VWA8: variants seen among roughly 807,000 people sequenced by gnomAD.
VWA8 encodes the protein von Willebrand factor A domain containing 8, also known as von Willebrand factor A domain-containing protein 8.
In VWA8, 221 loss-of-function variants were observed where a neutral mutation model predicts 241.5. That is an observed-to-expected ratio of 0.91 (90% CI 0.82 to 1.02). The LOEUF is 1.02. Ranked by LOEUF, VWA8 falls within the 50% of genes least tolerant of loss-of-function variation. The pLI, the probability that VWA8 is intolerant of heterozygous loss-of-function variation, is 0.00. For synonymous variants in VWA8, 852 were observed against 827.1 expected (o/e 1.03, Z -0.52); for missense variants, 2,322 against 2,328.7 (o/e 1.00, Z 0.06).
intron 43 of VWA8, among the ~76,000 whole-genome samples, chr13:41,573,125 AAAG>A (rs2044321104): frequency 5.3e-5 from 8 of 150,580 alleles, no homozygotes; most frequent in Admixed American, 3.3e-4. Flanking sequence ...AAAAAAAAAA[AAAG>A]AAACAAGCCA....
intron 17 of VWA8, among the ~76,000 whole-genome samples, chr13:41,794,966 T>C (rs1869623838): frequency 6.6e-6 from 1 of 152,042 alleles, no homozygotes. Flanking sequence ...CTAATTAAAC[T>C]AAAGAGCTTC....
At chr13:41,876,196 C>A (rs1478961422) in intron 9 of VWA8, among the ~76,000 whole-genome samples, 1 of 152,100 alleles carries the variant, frequency 6.6e-6, no homozygotes, top group African/African-American at 2.4e-5. Context: ...ATACCCTCCA[C>A]AGTCTATTCA....
At chr13:41,665,384 G>A (rs184929515) in intron 37 of VWA8, among the ~76,000 whole-genome samples, 43 of 152,162 alleles carry the variant, frequency 2.8e-4, no homozygotes, top group Non-Finnish European at 4.6e-4. Context: ...CACCTACAAA[G>A]TTGAACCAGG....
At chr13:41,911,757 A>G (rs1876010654) in intron 3 of VWA8, among the ~76,000 whole-genome samples, 1 of 152,216 alleles carries the variant, frequency 6.6e-6, no homozygotes, top group African/African-American at 2.4e-5. Flanking sequence ...TGCTGATTCT[A>G]TCTGCTACTC....
chr13:41,590,724 A>G lies in VWA8; in HGVS notation c.5028T>C (p.Thr1676=), dbSNP rs1226855627. 1 of 1,613,972 alleles carries G rather than the reference A, an allele frequency of 6.2e-7. No individual in the cohort carries two copies. Among genetic ancestry groups the G allele is most frequent in the African/African-American group, 1.3e-5 (1 of 74,884 alleles). Reference sequence around the variant, plus strand: ...TGATCTTGGCATCATCTAATTCTCCAGTAGCTTGATGTCTTAGCCATTGTC... The same window carrying G: ...TGATCTTGGCATCATCTAATTCTCCGGTAGCTTGATGTCTTAGCCATTGTC... ...KERQWLRHQA[T]GELDDAKIID... is the part of the protein sequence containing the mutation. Residue 1676 remains threonine, a synonymous_variant, in exon 41 of 45, where the codon ACT becomes ACC. Coordinates refer to ENST00000379310, the MANE Select transcript of VWA8 (RefSeq NM_015058.2).
At chr13:41,701,575 C>T in intron 27 of VWA8, 45 bp from the exon 28 acceptor site, 1 of 1,477,968 alleles carries the variant, frequency 6.8e-7, no homozygotes, top group East Asian at 2.5e-5. Context: ...TGGTTGTCAC[C>T]AAAATGTAGA....
At chr13:41,571,599 C>G (rs1204568210) in intron 43 of VWA8, among the ~76,000 whole-genome samples, 1 of 152,204 alleles carries the variant, frequency 6.6e-6, no homozygotes, top group East Asian at 1.9e-4. Flanking sequence ...ATCTACCTGC[C>G]TCCGCCTCCC....
chr13:41,682,523 A>G lies in VWA8; in HGVS notation c.4327+2524T>C, dbSNP rs147930258. Reference sequence around the variant, plus strand: ...ACTGAACTTGTATCTACACTAAAGAACACTCAAGAGTTCAGGAGTTTGAGA... The same window carrying G: ...ACTGAACTTGTATCTACACTAAAGAGCACTCAAGAGTTCAGGAGTTTGAGA... On this transcript the variant is annotated intron_variant, in intron 35 of 44. Coordinates refer to ENST00000379310, the MANE Select transcript of VWA8 (RefSeq NM_015058.2). Among the ~76,000 whole-genome samples, 247 of 152,250 alleles carry G rather than the reference A, an allele frequency of 1.6e-3. 1 individual carries two copies. Among genetic ancestry groups the G allele is most frequent in the African/African-American group, 5.7e-3 (237 of 41,570 alleles).
rs529675319 is a variant in VWA8 at position 41,764,591 on chromosome 13, C to T, written c.2350-3387G>A. On this transcript the variant is annotated intron_variant, in intron 20 of 44. Transcript: ENST00000379310. ...GCCGACTGCACAGTTATGTTTAGATCGAGATATCAAGGAACTAAAGAGGTA... is the reference window on the plus strand; with the variant it reads ...GCCGACTGCACAGTTATGTTTAGATTGAGATATCAAGGAACTAAAGAGGTA... Among the ~76,000 whole-genome samples the T allele has an allele frequency of 3.9e-5, 6 of 152,038 alleles. No homozygotes were observed. The East Asian group carries it at 7.8e-4, about 20-fold the overall frequency.
At chr13:41,675,180 C>T in intron 36 of VWA8, 35 bp downstream of exon 36, 2 of 1,491,360 alleles carry the variant, frequency 1.3e-6, no homozygotes, top group Non-Finnish European at 1.9e-6. Flanking sequence ...TTTTTTATGA[C>T]ATACTAAGCT....
chr13:41,859,616 C>T (rs1872917884), intron 12 of VWA8, among the ~76,000 whole-genome samples: 1 of 152,062 alleles, frequency 6.6e-6, no homozygotes, highest in African/African-American at 2.4e-5. Flanking sequence ...AAAAGAATAA[C>T]TTGTATTTCT....
At chr13:41,846,549 C>A (rs1353029154) in intron 12 of VWA8, among the ~76,000 whole-genome samples, 1 of 152,162 alleles carries the variant, frequency 6.6e-6, no homozygotes, top group Non-Finnish European at 1.5e-5. Flanking sequence ...AAGAAACAAA[C>A]TATAAATATG....
rs116634749 is a variant in VWA8 at position 41,947,456 on chromosome 13, G to A, written c.241+2480C>T. ...TTGAGAAAAGAAGTGACATGATTTT[G>A]GGCAAATAATGATTGCAAGTCATTA... is the stretch of plus-strand genomic sequence containing the variant. On this transcript the variant is annotated intron_variant, in intron 2 of 44. Transcript: ENST00000379310. Among the ~76,000 whole-genome samples the A allele has an allele frequency of 1.6e-3, 239 of 152,248 alleles. 1 individual carries two copies. The highest frequency in any genetic ancestry group is 5.5e-3 in the African/African-American group (227 of 41,538).
At chr13:41,663,471 GACA>G (rs2044965837) in intron 37 of VWA8, among the ~76,000 whole-genome samples, 1 of 152,088 alleles carries the variant, frequency 6.6e-6, no homozygotes, top group Non-Finnish European at 1.5e-5. Context: ...GCACCCTTGT[GACA>G]CAGTCTCCCC....
intron 4 of VWA8, among the ~76,000 whole-genome samples, chr13:41,899,640 ATACT>A (rs943900267): frequency 1.3e-5 from 2 of 152,214 alleles, no homozygotes; most frequent in Non-Finnish European, 2.9e-5. Flanking sequence ...AATCATTAAA[ATACT>A]TAATCAGTAC....
At chr13:41,761,314 TTTTAG>T in intron 20 of VWA8, 110 bp from the exon 21 acceptor site, 1 of 1,024,786 alleles carries the variant, frequency 9.8e-7, no homozygotes, top group Non-Finnish European at 1.4e-6. Context: ...CTTGTTACTG[TTTTAG>T]TTTATTGTTC....
intron 17 of VWA8, among the ~76,000 whole-genome samples, chr13:41,797,755 G>C (rs1401801955): frequency 1.4e-4 from 21 of 152,014 alleles, no homozygotes; most frequent in Admixed American, 1.4e-3. Context: ...GTATTTGCCT[G>C]TTCTTCTTTT....
intron 4 of VWA8, among the ~76,000 whole-genome samples, chr13:41,895,014 CA>C (rs765336149): frequency 1.1e-4 from 16 of 151,410 alleles, no homozygotes; most frequent in East Asian, 7.8e-4. Context: ...TTTAATGATT[CA>C]AAAACTTGAG....
chr13:41,677,982 T>G (rs530880413), intron 35 of VWA8, among the ~76,000 whole-genome samples: 14 of 152,362 alleles, frequency 9.2e-5, no homozygotes, highest in African/African-American at 3.1e-4. Context: ...ATCTCCTATT[T>G]ATTTAACAAA....
Sources: allele counts gnomAD v4.1 joint callset (sites outside exome capture counted in the v4.1 genomes callset), GRCh38; gene constraint gnomAD v4.1.1; transcripts MANE v1.5; gene names NCBI Gene and HGNC (gene_info 2026-07-23, HGNC 2026-07-21).